Variants in MICAL3 observed in about 807,000 individuals in gnomAD.
MICAL3 encodes the protein [F-actin]-monooxygenase MICAL3.
MICAL3 carries 62 observed loss-of-function variants against 207.4 expected under a neutral mutation model. The ratio of observed to expected loss-of-function variants is 0.30; its 90% CI spans 0.24 to 0.37. MICAL3 has a LOEUF of 0.37. MICAL3 is among the 10% of genes least tolerant of loss of function. The pLI is 1.00. For synonymous variants in MICAL3, 1,077 were observed against 1,069.3 expected (o/e 1.01, Z -0.14); for missense variants, 2,368 against 2,635.6 (o/e 0.90, Z 2.22).
At chr22:17,816,495 G>A (rs190055676) in intron 27 of MICAL3, among the ~76,000 whole-genome samples, 195 bp downstream of exon 27, 4 of 152,334 alleles carry the variant, frequency 2.6e-5, no homozygotes, top group Admixed American at 6.5e-5. Flanking sequence ...GGATGCCAAC[G>A]GCCCTAGCTC....
At chr22:18,014,450 G>A (rs1923931333) in intron 1 of MICAL3, among the ~76,000 whole-genome samples, 1 of 152,154 alleles carries the variant, frequency 6.6e-6, no homozygotes, top group Non-Finnish European at 1.5e-5. Flanking sequence ...TGTTGGATTT[G>A]TTCCTTCTCT....
rs951272005 is a variant in MICAL3 at position 17,801,153 on chromosome 22, T to C, written c.5650+7691A>G. ...GCATCCTGAGTTTCCTTTTTCTTTTTTTTTTTTTTTTTTTTTTGAGACGGA... is the reference window on the plus strand; with the variant it reads ...GCATCCTGAGTTTCCTTTTTCTTTTCTTTTTTTTTTTTTTTTTGAGACGGA... On this transcript the variant is annotated intron_variant, in intron 29 of 31. Transcript: ENST00000441493. Among the ~76,000 whole-genome samples the C allele has an allele frequency of 1.4e-3, 127 of 88,420 alleles. 27 individuals are homozygous for C. The highest frequency in any genetic ancestry group is 2.0e-3 in the Non-Finnish European group (98 of 49,178). The allele number at this position is 88,420 out of a possible 152,430, so 58.0% of individuals were successfully genotyped here.
chr22:17,976,589 A>ATTTTTT (rs1195101695), intron 1 of MICAL3, among the ~76,000 whole-genome samples: 17 of 67,108 alleles, frequency 2.5e-4, no homozygotes, highest in Admixed American at 5.3e-4. Flanking sequence ...ATATATATAT[A>ATTTTTT]TTTTTTTTTT....
chr22:17,879,139 G>A (rs1297534566), intron 16 of MICAL3, among the ~76,000 whole-genome samples: 1 of 152,208 alleles, frequency 6.6e-6, no homozygotes, highest in Non-Finnish European at 1.5e-5. Flanking sequence ...CTGAATGCCA[G>A]ATGGGTGACT....
chr22:17,899,192 T>G, intron 7 of MICAL3: 1 of 525,274 alleles, frequency 1.9e-6, no homozygotes, highest in Non-Finnish European at 3.5e-6. Flanking sequence ...ACTGGCCACG[T>G]GTTGAGAACT....
intron 29 of MICAL3, among the ~76,000 whole-genome samples, chr22:17,798,821 C>T (rs1426351626): frequency 1.3e-5 from 2 of 151,698 alleles, no homozygotes; most frequent in South Asian, 2.1e-4. Context: ...CTACAGGCGC[C>T]CGCCACCACA....
chr22:17,998,587 G>A (rs1464707220), intron 1 of MICAL3, among the ~76,000 whole-genome samples: 4 of 147,284 alleles, frequency 2.7e-5, no homozygotes, highest in Non-Finnish European at 6.0e-5. Flanking sequence ...ATGAAGTCTC[G>A]CTCTGTATCC....
chr22:17,827,638 G>A lies in MICAL3; in HGVS notation c.3193+6C>T, dbSNP rs1922346064. 6.4e-7 allele frequency: 1 copy of A among 1,558,732 alleles called. No homozygotes were observed. Among genetic ancestry groups the A allele is most frequent in the Non-Finnish European group, 8.7e-7 (1 of 1,151,750 alleles). ...CACACTGCGGCCTGGGGCTGGGAGT[G>A]TTTACCTCCGGAAGCAGAGGACTCA... On this transcript the variant is annotated splice_donor_region_variant and intron_variant, in intron 22 of 31. Transcript: ENST00000441493.
At position 17,789,506 on chromosome 22, in the gene MICAL3, G is replaced by A. The variant is rs1040200799; in HGVS notation, c.*1226C>T. 6.6e-6 allele frequency: 1 copy of A among 152,232 alleles called. No homozygotes were observed. The highest frequency in any genetic ancestry group is 2.4e-5 in the African/African-American group (1 of 41,458). The allele number at this position is 152,232 out of a possible 1,614,324, so 9.4% of individuals were successfully genotyped here. Reference sequence around the variant, plus strand: ...CTGTTGGCCTGGCCCAAAACAGAACGGAAATGCACCCTCATCACATGAGTG... The same window carrying A: ...CTGTTGGCCTGGCCCAAAACAGAACAGAAATGCACCCTCATCACATGAGTG... On this transcript the variant is annotated 3_prime_UTR_variant, in exon 32 of 32. Coordinates refer to ENST00000441493, the MANE Select transcript of MICAL3 (RefSeq NM_015241.3).
chr22:17,877,054 G>GGGAGGTTAT (rs1928638103), intron 16 of MICAL3, among the ~76,000 whole-genome samples: 1 of 109,604 alleles, frequency 9.1e-6, no homozygotes, highest in African/African-American at 3.6e-5. Context: ...ATGGAGGTTA[G>GGGAGGTTAT]GGAGGTTATG....
intron 1 of MICAL3, among the ~76,000 whole-genome samples, chr22:17,935,239 C>A (rs1298659236): frequency 6.6e-6 from 1 of 152,046 alleles, no homozygotes; most frequent in Admixed American, 6.6e-5. Context: ...AGATATAGAC[C>A]AATGGAACAG....
intron 1 of MICAL3, among the ~76,000 whole-genome samples, chr22:17,979,319 C>T (rs1473653563): frequency 1.3e-5 from 2 of 151,002 alleles, no homozygotes; most frequent in African/African-American, 4.9e-5. Flanking sequence ...CCGAGGCGAG[C>T]GGATCACCTG....
At chr22:17,905,936 C>T (rs1931679806) in intron 2 of MICAL3, among the ~76,000 whole-genome samples, 1 of 152,178 alleles carries the variant, frequency 6.6e-6, no homozygotes, top group Non-Finnish European at 1.5e-5. Flanking sequence ...ACTTTTGGAA[C>T]ATGGATGGGA....
chr22:17,882,292 A>T (rs1246399123), intron 16 of MICAL3, among the ~76,000 whole-genome samples: 13 of 152,212 alleles, frequency 8.5e-5, no homozygotes, highest in Admixed American at 8.5e-4. Context: ...CTTCCATATG[A>T]TGACCTAGGC....
At chr22:17,998,616 C>T (rs1400072905) in intron 1 of MICAL3, among the ~76,000 whole-genome samples, 3 of 150,714 alleles carry the variant, frequency 2.0e-5, no homozygotes, top group South Asian at 2.1e-4. Flanking sequence ...AGAGCAGTGG[C>T]GTGATCTTGG....
chr22:17,932,066 A>G (rs1424422687), intron 1 of MICAL3, among the ~76,000 whole-genome samples: 3 of 152,234 alleles, frequency 2.0e-5, no homozygotes, highest in South Asian at 2.1e-4. Context: ...GGATATGCAC[A>G]GGTGATGGTG....
At chr22:17,875,674 A>G (rs1459720008) in intron 16 of MICAL3, 2 of 279,526 alleles carry the variant, frequency 7.2e-6, no homozygotes, top group Admixed American at 1.4e-4. Context: ...TCTAAATACC[A>G]TGTATAGTAA....
At chr22:17,880,360 G>A (rs568986059) in intron 16 of MICAL3, among the ~76,000 whole-genome samples, 86 of 152,354 alleles carry the variant, frequency 5.6e-4, no homozygotes, top group African/African-American at 1.9e-3. Flanking sequence ...AGAACTGAGC[G>A]TGCTTTCCAG....
chr22:17,844,687 TTG>T (rs1241826396), intron 19 of MICAL3, among the ~76,000 whole-genome samples: 1 of 152,228 alleles, frequency 6.6e-6, no homozygotes, highest in African/African-American at 2.4e-5. Flanking sequence ...ACGTGCCCAC[TTG>T]TTTTAGCCTT....
Sources: gnomAD v4.1 joint callset for allele counts (sites outside exome capture counted in the v4.1 genomes callset) on GRCh38, gnomAD v4.1.1 for gene constraint, MANE v1.5 for transcripts, NCBI Gene and HGNC (gene_info 2026-07-23, HGNC 2026-07-21) for gene names.